RP1: variants seen among roughly 807,000 people sequenced by gnomAD.
The protein encoded by RP1 is oxygen-regulated protein 1.
In RP1, 16 loss-of-function variants were observed where a neutral mutation model predicts 14.8. The ratio of observed to expected loss-of-function variants is 1.08; its 90% CI spans 0.73 to 1.65. The LOEUF (loss-of-function observed/expected upper bound fraction) is 1.65, where lower values mean the gene tolerates loss of function less well. RP1 is among the 40% of genes most tolerant of loss of function. The pLI is 0.00. For synonymous variants in RP1, 876 were observed against 883.6 expected (o/e 0.99, Z 0.15); for missense variants, 2,631 against 2,535.0 (o/e 1.04, Z -0.81).
chr8:54,703,742 T>C (rs983622695), intron 14 of RP1, among the ~76,000 whole-genome samples: 2 of 152,238 alleles, frequency 1.3e-5, no homozygotes, highest in Non-Finnish European at 2.9e-5. Context: ...ACTGAAAATC[T>C]GTTGATAATC....
intron 24 of RP1, among the ~76,000 whole-genome samples, chr8:54,831,398 TTTC>T (rs1418927710): frequency 7.5e-5 from 8 of 106,698 alleles, no homozygotes; most frequent in African/African-American, 3.0e-4. Context: ...TAACCTATTG[TTTC>T]TTTTTTTTTT....
At chr8:54,830,282 A>T (rs539703590) in intron 24 of RP1, among the ~76,000 whole-genome samples, 1 of 149,516 alleles carries the variant, frequency 6.7e-6, no homozygotes, top group Non-Finnish European at 1.5e-5. Context: ...GACCTTCTGT[A>T]TTTCTTTTTT....
intron 24 of RP1, among the ~76,000 whole-genome samples, chr8:54,810,778 T>C (rs1330069920): frequency 6.6e-6 from 1 of 152,202 alleles, no homozygotes; most frequent in African/African-American, 2.4e-5. Flanking sequence ...CCACAGAAGA[T>C]TCACAACTGC....
intron 17 of RP1, among the ~76,000 whole-genome samples, chr8:54,727,764 G>A (rs1017261509): frequency 1.3e-5 from 2 of 151,874 alleles, no homozygotes; most frequent in African/African-American, 4.8e-5. Context: ...TCTTGAATTT[G>A]ATAGGTGAGC....
rs201686177 is a variant in RP1 at position 54,621,011 on chromosome 8, G to A, written c.45G>A (p.Thr15=). 3.1e-6 allele frequency: 5 copies of A among 1,614,026 alleles called. No individual in the cohort carries two copies. Among genetic ancestry groups the A allele is most frequent in the African/African-American group, 2.7e-5 (2 of 74,988 alleles). Residue 15 remains threonine, a synonymous_variant, in exon 2 of 4, where the codon ACG becomes ACA. Transcript: ENST00000220676. ...CTGGTTTTTCCATCATTCATCCTAC[G>A]TCTTCTGAAGGTCAAGTTCCACCCC... The part of the protein sequence containing the change: ...PSTGFSIIHP[T]SSEGQVPPPR...
rs1038492916 is a variant in RP1, at chr8:54,807,456, T to C, written c.3615+23746T>C. ...CCTTTCACTCTTTTGACCACATATG[T>C]GTAAATGCATGCTGTATTCAATGTG... On this transcript the variant is annotated intron_variant, in intron 24 of 28. Transcript: ENST00000637698. Among the ~76,000 whole-genome samples, 7 of 152,334 alleles carry C rather than the reference T, an allele frequency of 4.6e-5. No homozygotes were observed. The South Asian group carries it at 1.0e-3, about 23-fold the overall frequency.
rs571521776 is a variant in RP1 at position 54,621,113 on chromosome 8, C to T, written c.147C>T (p.Gly49=). 1.9e-6 allele frequency: 3 copies of T among 1,614,136 alleles called. No homozygotes were observed. The highest frequency in any genetic ancestry group is 2.2e-5 in the East Asian group (1 of 44,874). Residue 49 remains glycine (G), a synonymous_variant, in exon 2 of 4, where the codon GGC becomes GGT. Coordinates refer to ENST00000220676, the MANE Select transcript of RP1 (RefSeq NM_006269.2). Reference sequence around the variant, plus strand: ...ACAAGAGCGGAGACCCCCAATTCGGCGGGGTCAGGGTGGTGGTCAACCCTC... The same window carrying T: ...ACAAGAGCGGAGACCCCCAATTCGGTGGGGTCAGGGTGGTGGTCAACCCTC... ...SFYKSGDPQF[G]GVRVVVNPRS...
exon 15 of RP1, chr8:54,706,444 G>C: frequency 6.5e-7 from 1 of 1,535,746 alleles, no homozygotes; most frequent in Non-Finnish European, 8.7e-7. Flanking sequence ...GCTCTGAAGG[G>C]GGTGTTCCTC....
chr8:54,594,311 T>C, intron 1 of RP1, among the ~76,000 whole-genome samples: 1 of 151,892 alleles, frequency 6.6e-6, no homozygotes. Context: ...GACCAGGAAC[T>C]TGGTTCTTCT....
chr8:54,583,902 C>T lies in RP1; in HGVS notation c.-13+24582C>T, dbSNP rs201071006. On this transcript the variant is annotated intron_variant, in intron 1 of 22. Coordinates refer to the RP1 transcript ENST00000636932. ...TGATTCTTCTCTCTTTTCTTCTTTACTAGTCTTGCTAGTGGTCTATCAATT... is the reference window on the plus strand; with the variant it reads ...TGATTCTTCTCTCTTTTCTTCTTTATTAGTCTTGCTAGTGGTCTATCAATT... Among the ~76,000 whole-genome samples, 8 of 151,930 alleles carry T rather than the reference C, an allele frequency of 5.3e-5. No homozygotes were observed. In the South Asian group the frequency reaches 6.2e-4, roughly 12 times the overall value.
chr8:54,731,673 T>C (rs1000331480), intron 17 of RP1, among the ~76,000 whole-genome samples: 2 of 152,238 alleles, frequency 1.3e-5, no homozygotes, highest in South Asian at 4.1e-4. Context: ...TGCAAGAACA[T>C]GTTAATGCAG....
chr8:54,580,376 G>A (rs577756181), intron 1 of RP1, among the ~76,000 whole-genome samples: 1 of 133,254 alleles, frequency 7.5e-6, no homozygotes, highest in African/African-American at 2.8e-5. Context: ...GTGTGATCTC[G>A]GCTCACTGCA....
intron 16 of RP1, among the ~76,000 whole-genome samples, chr8:54,721,924 G>T (rs1808545777): frequency 6.6e-6 from 1 of 152,118 alleles, no homozygotes; most frequent in African/African-American, 2.4e-5. Context: ...AGGGGATTTT[G>T]TGAAGAGTGA....
At chr8:54,789,747 C>T in intron 24 of RP1, among the ~76,000 whole-genome samples, 1 of 152,204 alleles carries the variant, frequency 6.6e-6, no homozygotes, top group East Asian at 1.9e-4. Flanking sequence ...CATCAAACTG[C>T]AGGGCACAAT....
chr8:54,588,085 T>C (rs1036878949), intron 1 of RP1, among the ~76,000 whole-genome samples: 1 of 152,216 alleles, frequency 6.6e-6, no homozygotes, highest in Non-Finnish European at 1.5e-5. Flanking sequence ...TTAATATCCA[T>C]TGGCAGGTCA....
chr8:54,728,087 C>T (rs75054160), intron 17 of RP1, among the ~76,000 whole-genome samples: 2 of 152,078 alleles, frequency 1.3e-5, no homozygotes, highest in South Asian at 2.1e-4. Context: ...AGGCAAATGC[C>T]ACTTATAAAA....
chr8:54,566,116 C>A (rs1335539991), intron 1 of RP1, among the ~76,000 whole-genome samples: 1 of 152,232 alleles, frequency 6.6e-6, no homozygotes, highest in African/African-American at 2.4e-5. Context: ...TAGCCAATCA[C>A]ATCTGCAAAG....
At chr8:54,744,450 A>G (rs926592317) in intron 19 of RP1, among the ~76,000 whole-genome samples, 2 of 152,226 alleles carry the variant, frequency 1.3e-5, no homozygotes, top group African/African-American at 4.8e-5. Flanking sequence ...TTGTTCCCCA[A>G]TGAAAGGCAA....
intron 19 of RP1, among the ~76,000 whole-genome samples, chr8:54,750,071 G>A (rs1354976485): frequency 6.6e-6 from 1 of 152,024 alleles, no homozygotes; most frequent in African/African-American, 2.4e-5. Flanking sequence ...TCAGGGAATT[G>A]GAATAGAATT....
Sources: allele counts gnomAD v4.1 joint callset (sites outside exome capture counted in the v4.1 genomes callset), GRCh38; gene constraint gnomAD v4.1.1; transcripts MANE v1.5; gene names NCBI Gene and HGNC (gene_info 2026-07-23, HGNC 2026-07-21).